RPS6KA2: variants seen among roughly 807,000 people sequenced by gnomAD.
RPS6KA2 encodes the protein ribosomal protein S6 kinase A2.
Under a neutral mutation model 91.8 loss-of-function variants are expected in RPS6KA2, and 42 were observed. That is an observed-to-expected ratio of 0.46 (90% CI 0.36 to 0.59). RPS6KA2 has a LOEUF of 0.59. RPS6KA2 is among the 20% of genes least tolerant of loss of function. The pLI is 0.00. For missense variants in RPS6KA2, 798 were observed against 978.5 expected, an observed-to-expected ratio of 0.82 and a Z score of 2.46; for synonymous variants, 414 against 393.6, an observed-to-expected ratio of 1.05 and a Z score of -0.61.
chr6:166,750,288 C>T (rs568939746), intron 2 of RPS6KA2, among the ~76,000 whole-genome samples: 2 of 152,314 alleles, frequency 1.3e-5, no homozygotes, highest in African/African-American at 4.8e-5. Context: ...GGGTGCTCAC[C>T]AGCCCAGGGC....
chr6:166,654,046 C>A (rs574428090), intron 2 of RPS6KA2, among the ~76,000 whole-genome samples: 3 of 152,202 alleles, frequency 2.0e-5, no homozygotes, highest in Non-Finnish European at 4.4e-5. Context: ...GGAAGACTAA[C>A]CAGATGTGAT....
At chr6:166,823,387 A>C (rs943417583) in intron 2 of RPS6KA2, among the ~76,000 whole-genome samples, 1 of 151,938 alleles carries the variant, frequency 6.6e-6, no homozygotes, top group Non-Finnish European at 1.5e-5. Context: ...ACATTTGATG[A>C]TACTAAAAAA....
chr6:166,671,518 T>C (rs1339078712), intron 2 of RPS6KA2, among the ~76,000 whole-genome samples: 2 of 152,028 alleles, frequency 1.3e-5, no homozygotes, highest in Non-Finnish European at 2.9e-5. Flanking sequence ...ACGACTCTTC[T>C]CATGATCAAA....
intron 1 of RPS6KA2, among the ~76,000 whole-genome samples, chr6:166,547,543 G>A (rs1459771748): frequency 6.6e-6 from 1 of 152,238 alleles, no homozygotes; most frequent in Non-Finnish European, 1.5e-5. Context: ...TGCAGATCAG[G>A]ATGAATTATT....
chr6:166,797,129 G>A (rs1026573754), intron 2 of RPS6KA2, among the ~76,000 whole-genome samples: 15 of 152,244 alleles, frequency 9.9e-5, no homozygotes, highest in African/African-American at 2.6e-4. Context: ...GAAAAACTCC[G>A]TTTCTCCAAT....
intron 1 of RPS6KA2, among the ~76,000 whole-genome samples, chr6:166,585,769 G>A (rs889081932): frequency 1.5e-5 from 1 of 68,468 alleles, no homozygotes; most frequent in Non-Finnish European, 2.4e-5. Context: ...TAAGCATATG[G>A]ATACTCTCTT....
At chr6:166,720,996 C>A (rs964385832) in intron 2 of RPS6KA2, among the ~76,000 whole-genome samples, 1 of 152,224 alleles carries the variant, frequency 6.6e-6, no homozygotes, top group Non-Finnish European at 1.5e-5. Flanking sequence ...AGTCATCTTA[C>A]ATACACTTCA....
Position 166,435,668 on chromosome 6 carries a change from G to A in RPS6KA2, c.1333-3178C>T, listed in dbSNP as rs1394886574. Among the ~76,000 whole-genome samples the A allele has an allele frequency of 6.6e-6, 1 of 152,258 alleles. No homozygotes were observed. The highest frequency in any genetic ancestry group is 2.4e-5 in the African/African-American group (1 of 41,464). ...GAGTGCTGCTGTTTCTCACCACAGGGTAGAGCCAGCGGTCTTTCAGCAAAC... is the reference window on the plus strand; with the variant it reads ...GAGTGCTGCTGTTTCTCACCACAGGATAGAGCCAGCGGTCTTTCAGCAAAC... On this transcript the variant is annotated intron_variant, in intron 14 of 20. Transcript: ENST00000265678. The surrounding 1 kb of genome is among the most constrained non-coding windows in gnomAD (Gnocchi z 4.3).
At chr6:166,576,706 T>G (rs1047537985) in intron 1 of RPS6KA2, among the ~76,000 whole-genome samples, 1 of 152,156 alleles carries the variant, frequency 6.6e-6, no homozygotes, top group African/African-American at 2.4e-5. Context: ...AAGCAAAGCA[T>G]AAAGGTTCAG....
chr6:166,506,325 T>G (rs1782224155), intron 5 of RPS6KA2, among the ~76,000 whole-genome samples: 1 of 152,192 alleles, frequency 6.6e-6, no homozygotes, highest in African/African-American at 2.4e-5. Context: ...CAGGACTTTT[T>G]GCTGATTACT....
At chr6:166,606,011 C>T (rs1785939476) in intron 1 of RPS6KA2, among the ~76,000 whole-genome samples, 1 of 152,206 alleles carries the variant, frequency 6.6e-6, no homozygotes, top group South Asian at 2.1e-4. Context: ...CAGCAAAGCA[C>T]CTTGATGAGT....
At chr6:166,555,469 C>G (rs1347831027) in intron 1 of RPS6KA2, among the ~76,000 whole-genome samples, 1 of 152,202 alleles carries the variant, frequency 6.6e-6, no homozygotes, top group Admixed American at 6.5e-5. Flanking sequence ...CTTCCTCTCC[C>G]TGTCCCACGA....
intron 14 of RPS6KA2, among the ~76,000 whole-genome samples, chr6:166,436,132 A>G (rs1779293052): frequency 6.6e-6 from 1 of 152,158 alleles, no homozygotes; most frequent in Non-Finnish European, 1.5e-5. Flanking sequence ...CCTATTACAG[A>G]GATAAAATAG....
intron 6 of RPS6KA2, among the ~76,000 whole-genome samples, chr6:166,503,984 G>A (rs1782109341): frequency 6.6e-6 from 1 of 152,200 alleles, no homozygotes; most frequent in Non-Finnish European, 1.5e-5. Flanking sequence ...GGGACCTAGA[G>A]GTGGGGCTGA....
At chr6:166,843,410 A>G (rs1780535060) in intron 2 of RPS6KA2, among the ~76,000 whole-genome samples, 1 of 152,132 alleles carries the variant, frequency 6.6e-6, no homozygotes, top group African/African-American at 2.4e-5. Flanking sequence ...CTCCCTGTAC[A>G]ACCTCAGCTG....
intron 11 of RPS6KA2, among the ~76,000 whole-genome samples, chr6:166,461,738 G>A (rs11963687): frequency 0.035 from 5,400 of 152,262 alleles, 335 homozygotes; most frequent in African/African-American, 0.12. Context: ...TGGTTGTCAC[G>A]TATTCATTCC....
chr6:166,575,340 A>G (rs923981306), intron 1 of RPS6KA2, among the ~76,000 whole-genome samples: 1 of 152,128 alleles, frequency 6.6e-6, no homozygotes, highest in Non-Finnish European at 1.5e-5. Flanking sequence ...ACGGAGAACT[A>G]TTTTCAGCGC....
In RPS6KA2 at chr6:166,498,504, T is replaced by C; in HGVS notation, c.747+4A>G. 2 of 1,606,624 alleles carry C rather than the reference T, an allele frequency of 1.2e-6. No individual in the cohort carries two copies. The highest frequency in any genetic ancestry group is 1.7e-6 in the Non-Finnish European group (2 of 1,177,576). On this transcript the variant is annotated splice_donor_region_variant and intron_variant, in intron 8 of 20. Transcript: ENST00000265678. ...GGCACAGAAGAGGGTCGGGGCAGGCTCACCATGAGCACGCCGAAGGACCAC... is the reference window on the plus strand; with the variant it reads ...GGCACAGAAGAGGGTCGGGGCAGGCCCACCATGAGCACGCCGAAGGACCAC...
chr6:166,862,362 C>G (rs907448037), exon 1 of RPS6KA2: 1 of 1,423,704 alleles, frequency 7.0e-7, no homozygotes, highest in Non-Finnish European at 9.2e-7. Context: ...CTGCGCCGGC[C>G]GGAGGAGGGA....
Sources: allele counts gnomAD v4.1 joint callset (sites outside exome capture counted in the v4.1 genomes callset), GRCh38; gene constraint gnomAD v4.1.1; non-coding constraint Gnocchi (gnomAD v3.1); transcripts MANE v1.5; gene names NCBI Gene and HGNC (gene_info 2026-07-23, HGNC 2026-07-21).